RABGAP1L: variants seen among roughly 807,000 people sequenced by gnomAD.
The protein encoded by RABGAP1L is RAB GTPase activating protein 1 like.
A neutral mutation model predicts 137.7 loss-of-function variants in RABGAP1L; 63 were observed. The observed-to-expected ratio is 0.46, with a 90% confidence interval of 0.37 to 0.56. The LOEUF is 0.56. RABGAP1L is among the 20% of genes least tolerant of loss of function. The pLI is 0.00. For synonymous variants in RABGAP1L, 431 were observed against 433.7 expected (o/e 0.99, Z 0.08); for missense variants, 1,095 against 1,244.0 (o/e 0.88, Z 1.80).
Position 174,636,122 on chromosome 1 carries a change from A to G in RABGAP1L, c.1711-1253A>G, listed in dbSNP as rs994960153. Reference sequence around the variant, plus strand: ...GACATTTAAAAAGATAAACATTTCTAGGAATAAAATAAAATCAAGAGAATG... The same window carrying G: ...GACATTTAAAAAGATAAACATTTCTGGGAATAAAATAAAATCAAGAGAATG... On this transcript the variant is annotated intron_variant, in intron 13 of 25. Transcript: ENST00000681986. Among the ~76,000 whole-genome samples, 3 of 152,204 alleles carry G rather than the reference A, an allele frequency of 2.0e-5. 1 individual carries two copies. The highest frequency in any genetic ancestry group is 7.2e-5 in the African/African-American group (3 of 41,452).
intron 13 of RABGAP1L, among the ~76,000 whole-genome samples, chr1:174,608,518 A>G (rs549645830): frequency 3.4e-4 from 52 of 152,314 alleles, no homozygotes; most frequent in Non-Finnish European, 4.9e-4. Flanking sequence ...TGAAAGCACT[A>G]TGGAAGGAAT....
chr1:174,374,284 C>G (rs1283434469), intron 12 of RABGAP1L, among the ~76,000 whole-genome samples: 1 of 152,162 alleles, frequency 6.6e-6, no homozygotes, highest in Non-Finnish European at 1.5e-5. Context: ...TGCGGCAGCT[C>G]TACTCTCTGG....
At chr1:174,907,880 T>A (rs1253793698) in intron 19 of RABGAP1L, among the ~76,000 whole-genome samples, 1 of 152,142 alleles carries the variant, frequency 6.6e-6, no homozygotes, top group Non-Finnish European at 1.5e-5. Flanking sequence ...AGTGGCTGAA[T>A]GGGTAAAGAA....
intron 19 of RABGAP1L, among the ~76,000 whole-genome samples, chr1:174,882,205 G>A (rs1309026457): frequency 6.6e-6 from 1 of 152,106 alleles, no homozygotes; most frequent in East Asian, 1.9e-4. Context: ...CCTTAGGTTT[G>A]GGTTCATTAT....
intron 13 of RABGAP1L, among the ~76,000 whole-genome samples, chr1:174,407,626 T>TATC (rs1649429346): frequency 1.3e-5 from 2 of 152,164 alleles, no homozygotes. Flanking sequence ...TTATTATTAT[T>TATC]ATCATTATTT....
intron 19 of RABGAP1L, among the ~76,000 whole-genome samples, chr1:174,892,007 A>G (rs1451202419): frequency 6.6e-6 from 1 of 152,232 alleles, no homozygotes; most frequent in Non-Finnish European, 1.5e-5. Flanking sequence ...AAATCAATAT[A>G]TGTATTAGGT....
intron 11 of RABGAP1L, among the ~76,000 whole-genome samples, chr1:174,347,492 TGTGTG>T (rs1558151281): frequency 3.7e-4 from 55 of 149,728 alleles, no homozygotes; most frequent in Admixed American, 4.6e-4. Flanking sequence ...TGTGTGTGTG[TGTGTG>T]TGTTTTTTTC....
intron 17 of RABGAP1L, among the ~76,000 whole-genome samples, chr1:174,712,747 G>A (rs1680664112): frequency 6.6e-6 from 1 of 152,136 alleles, no homozygotes. Flanking sequence ...TTCTCTCTTA[G>A]CACCCCGTGG....
At chr1:174,804,367 C>T (rs1349183337) in intron 18 of RABGAP1L, among the ~76,000 whole-genome samples, 1 of 151,518 alleles carries the variant, frequency 6.6e-6, no homozygotes, top group Non-Finnish European at 1.5e-5. Context: ...GCCTCCCAGG[C>T]TCAGGCAATC....
intron 19 of RABGAP1L, among the ~76,000 whole-genome samples, chr1:174,892,896 ATTTTTTTTT>A (rs748971722): frequency 3.0e-4 from 28 of 91,866 alleles, no homozygotes; most frequent in African/African-American, 5.4e-4. Context: ...CACCCAGCTA[ATTTTTTTTT>A]TTTTTTTTTT....
intron 13 of RABGAP1L, among the ~76,000 whole-genome samples, chr1:174,557,063 G>T (rs192254728): frequency 1.3e-5 from 2 of 152,116 alleles, no homozygotes; most frequent in African/African-American, 2.4e-5. Flanking sequence ...ACTCGCATTC[G>T]CATGCAAATT....
chr1:174,195,467 A>AT (rs1170532712), intron 1 of RABGAP1L, among the ~76,000 whole-genome samples: 1 of 151,970 alleles, frequency 6.6e-6, no homozygotes, highest in East Asian at 1.9e-4. Context: ...TCCTTCTCGT[A>AT]TTTTTTTGAG....
At chr1:174,872,007 A>G (rs1282487855) in intron 19 of RABGAP1L, among the ~76,000 whole-genome samples, 1 of 152,194 alleles carries the variant, frequency 6.6e-6, no homozygotes, top group Non-Finnish European at 1.5e-5. Context: ...AAAGAGTTGC[A>G]TCTATTCTTT....
At chr1:174,175,623 C>CTTTTT (rs770897839) in intron 1 of RABGAP1L, among the ~76,000 whole-genome samples, 2 of 122,354 alleles carry the variant, frequency 1.6e-5, no homozygotes, top group Non-Finnish European at 3.4e-5. Context: ...CGCCCGGCTA[C>CTTTTT]TTTTTTTTTT....
rs181961808 is a variant in RABGAP1L at position 174,426,933 on chromosome 1, C to G, written c.1710+32788C>G. On this transcript the variant is annotated intron_variant, in intron 13 of 25. Coordinates refer to ENST00000681986, the MANE Select transcript of RABGAP1L (RefSeq NM_001366446.1). Reference sequence around the variant, plus strand: ...ACAGAAAGTGAATGGGAAGATCAGTCAATCATAACAATATGTAATATGGGT... The same window carrying G: ...ACAGAAAGTGAATGGGAAGATCAGTGAATCATAACAATATGTAATATGGGT... Among the ~76,000 whole-genome samples the G allele has an allele frequency of 1.2e-3, 176 of 152,120 alleles. No homozygotes were observed. The Middle Eastern group carries it at 0.02, about 18-fold the overall frequency.
Position 174,692,218 on chromosome 1 carries a change from A to G in RABGAP1L, c.1900-7307A>G, listed in dbSNP as rs192604333. Among the ~76,000 whole-genome samples the G allele has an allele frequency of 1.2e-3, 179 of 152,272 alleles. 1 individual carries two copies. Among genetic ancestry groups the G allele is most frequent in the Non-Finnish European group, 2.1e-3 (142 of 68,020 alleles). On this transcript the variant is annotated intron_variant, in intron 15 of 25. Transcript: ENST00000681986. ...ATCTTAAAGAAATATTTAACACTTGATATTTATTGAAGGTTCTATGCCAAG... is the reference window on the plus strand; with the variant it reads ...ATCTTAAAGAAATATTTAACACTTGGTATTTATTGAAGGTTCTATGCCAAG...
At chr1:174,409,419 C>T (rs539151303) in intron 13 of RABGAP1L, among the ~76,000 whole-genome samples, 51 of 152,174 alleles carry the variant, frequency 3.4e-4, no homozygotes, top group African/African-American at 1.1e-3. Flanking sequence ...ACTTCGGGAG[C>T]ACTATAATTG....
chr1:174,238,120 A>G (rs1671382950), intron 4 of RABGAP1L, among the ~76,000 whole-genome samples: 1 of 152,098 alleles, frequency 6.6e-6, no homozygotes. Flanking sequence ...TTTCAGCTCC[A>G]TCAGCTCCTT....
chr1:174,699,519 C>T lies in RABGAP1L; in HGVS notation c.1900-6C>T. 1.2e-6 allele frequency: 2 copies of T among 1,608,802 alleles called. No homozygotes were observed. The highest frequency in any genetic ancestry group is 8.5e-7 in the Non-Finnish European group (1 of 1,177,736). On this transcript the variant is annotated splice_region_variant and splice_polypyrimidine_tract_variant and intron_variant, in intron 15 of 25. Coordinates refer to ENST00000681986, the MANE Select transcript of RABGAP1L (RefSeq NM_001366446.1). ...TTATATTGTATATGTATATATTTTT[C>T]TGTAGATGCCAGAGGAACAAGCATT...
Sources: gnomAD v4.1 joint callset for allele counts (sites outside exome capture counted in the v4.1 genomes callset) on GRCh38, gnomAD v4.1.1 for gene constraint, MANE v1.5 for transcripts, NCBI Gene and HGNC (gene_info 2026-07-23, HGNC 2026-07-21) for gene names.